Variants in ZNF284 observed in about 807,000 individuals in gnomAD.
ZNF284 encodes the protein zinc finger protein 284.
In ZNF284, 12 loss-of-function variants were observed where a neutral mutation model predicts 12.9. The ratio of observed to expected loss-of-function variants is 0.93; its 90% CI spans 0.60 to 1.51. The LOEUF is 1.51. ZNF284 is among the 40% of genes most tolerant of loss of function. The probability of loss-of-function intolerance (pLI) is 0.00; values close to 1 mark genes in which losing one functional copy is unlikely to be tolerated. For missense variants in ZNF284, 667 were observed against 707.3 expected, an observed-to-expected ratio of 0.94 and a Z score of 0.65; for synonymous variants, 225 against 236.5, an observed-to-expected ratio of 0.95 and a Z score of 0.45.
In ZNF284 at chr19:44,087,214, G is replaced by A. The variant is rs540197159; in HGVS notation, c.1736G>A (p.Arg579His). 1.2e-5 allele frequency: 19 copies of A among 1,596,156 alleles called. No individual in the cohort carries two copies. The highest frequency in any genetic ancestry group is 8.0e-5 in the South Asian group (7 of 87,444). The change falls in exon 5 of 5, where the codon CGC becomes CAC. Residue 579 changes from arginine (R) to histidine (H), a missense_variant. Physicochemically the swap from Arg to His is conservative, Grantham distance 29 (BLOSUM62 0). Transcript: ENST00000421176. ...GACTGTGGGAAGCGCTACGAGAGGC[G>A]CTTGAATCTAGATATGATTTTATCA... is the stretch of plus-strand genomic sequence containing the variant. ...CEDCGKRYER[R>H]LNLDMILSLF... is the part of the protein sequence containing the mutation.
At chr19:44,073,510 G>T (rs192037769) in intron 1 of ZNF284, among the ~76,000 whole-genome samples, 11 of 151,880 alleles carry the variant, frequency 7.2e-5, no homozygotes, top group African/African-American at 2.7e-4. Context: ...CATGAATCCA[G>T]CATGTAAAGA....
chr19:44,087,181 A>G lies in ZNF284; in HGVS notation c.1703A>G (p.Lys568Arg), dbSNP rs972794367. 13 of 1,613,926 alleles carry G rather than the reference A, an allele frequency of 8.1e-6. No homozygotes were observed. Among genetic ancestry groups the G allele is most frequent in the Non-Finnish European group, 1.0e-5 (12 of 1,179,828 alleles). The stretch of plus-strand genomic sequence containing the variant: ...GACCACAGTGGAGAAAAAACATCCA[A>G]ATGTGAGGACTGTGGGAAGCGCTAC... Reference protein sequence around the residue: ...QSDHSGEKTSKCEDCGKRYER... With the variant: ...QSDHSGEKTSRCEDCGKRYER... Residue 568 changes from lysine to arginine, a missense_variant, in exon 5 of 5, where the codon AAA (lysine) becomes AGA (arginine). Lys to Arg is a conservative substitution (Grantham distance 26). Coordinates refer to ENST00000421176, the MANE Select transcript of ZNF284 (RefSeq NM_001037813.4).
In ZNF284 at chr19:44,087,836, C is replaced by A. The variant is rs1330088644; in HGVS notation, c.*576C>A. 7.5e-6 allele frequency: 1 copy of A among 134,090 alleles called. No individual in the cohort carries two copies. Among genetic ancestry groups the A allele is most frequent in the East Asian group, 2.1e-4 (1 of 4,678 alleles). The allele number at this position is 134,090 out of a possible 1,614,324, so 8.3% of individuals were successfully genotyped here. On this transcript the variant is annotated 3_prime_UTR_variant, in exon 5 of 5. Transcript: ENST00000421176. ...AGTATGGAGTGCAATGGCTTGATCT[C>A]GGCTCACTGCAACCTCTGCCTCCTG... is the stretch of plus-strand genomic sequence containing the variant.
chr19:44,078,626 T>C (rs1301578035), intron 2 of ZNF284, among the ~76,000 whole-genome samples: 4 of 152,106 alleles, frequency 2.6e-5, no homozygotes, highest in African/African-American at 9.7e-5. Flanking sequence ...GATGCCTGGC[T>C]AGTTTTAAAA....
chr19:44,079,748 G>A (rs746783572), intron 2 of ZNF284, among the ~76,000 whole-genome samples: 28 of 150,632 alleles, frequency 1.9e-4, no homozygotes, highest in Non-Finnish European at 3.3e-4. Context: ...AGCAAAAAAA[G>A]AGAAACCCCA....
At chr19:44,073,927 G>T (rs549031888) in intron 1 of ZNF284, among the ~76,000 whole-genome samples, 1 of 152,108 alleles carries the variant, frequency 6.6e-6, no homozygotes, top group African/African-American at 2.4e-5. Context: ...TTAAAAAAAT[G>T]TGTTTTCCCT....
chr19:44,076,551 T>C, intron 2 of ZNF284, 147 bp downstream of exon 2: 1 of 786,486 alleles, frequency 1.3e-6, no homozygotes, highest in Non-Finnish European at 2.0e-6. Flanking sequence ...GTTTCTTTTG[T>C]GTTGAATTTG....
intron 1 of ZNF284, among the ~76,000 whole-genome samples, chr19:44,075,584 A>G (rs1967014467): frequency 6.6e-6 from 1 of 152,208 alleles, no homozygotes; most frequent in Admixed American, 6.5e-5. Flanking sequence ...TTTGAAAATA[A>G]TAAAGTTCCT....
chr19:44,077,648 T>G (rs1967053736), intron 2 of ZNF284, among the ~76,000 whole-genome samples: 1 of 151,144 alleles, frequency 6.6e-6, no homozygotes, highest in South Asian at 2.1e-4. Context: ...TGTTTGTTCC[T>G]CAGAACAGCT....
intron 2 of ZNF284, among the ~76,000 whole-genome samples, chr19:44,080,093 G>C (rs144822831): frequency 6.6e-6 from 1 of 152,276 alleles, no homozygotes; most frequent in Non-Finnish European, 1.5e-5. Context: ...CTTATCCAAG[G>C]TCACGTGGCT....
rs11331410 is a variant in ZNF284, at chr19:44,073,545, A to ATTTTT, written c.-69+1266_-69+1270dup. ...ATAGTAACTGTTAAACTTCGAGTGCATTTTTTTTTTTTTTTTGAGACAGAG... is the reference window on the plus strand; with the variant it reads ...ATAGTAACTGTTAAACTTCGAGTGCATTTTTTTTTTTTTTTTTTTTTGAGACAGAG... On this transcript the variant is annotated intron_variant, in intron 1 of 4. Transcript: ENST00000421176. Among the ~76,000 whole-genome samples the ATTTTT allele has an allele frequency of 6.9e-3, 964 of 140,362 alleles. 4 individuals carry two copies. Among genetic ancestry groups the ATTTTT allele is most frequent in the South Asian group, 0.054 (234 of 4,362 alleles). 92.1% of individuals were successfully genotyped at this position (140,362 alleles called of 152,430 possible). A position where few individuals can be genotyped will look rare whatever the true frequency, so the allele number is the denominator to read the frequency against.
intron 2 of ZNF284, among the ~76,000 whole-genome samples, chr19:44,076,889 G>A (rs1196711463): frequency 6.6e-6 from 1 of 150,584 alleles, no homozygotes; most frequent in African/African-American, 2.5e-5. Context: ...GCGCAATCTC[G>A]GCTCACTGCA....
In ZNF284 at chr19:44,082,001, CTT is replaced by C; in HGVS notation, c.143-10_143-9del. On this transcript the variant is annotated splice_polypyrimidine_tract_variant and intron_variant, in intron 3 of 4. Transcript: ENST00000421176. The stretch of plus-strand genomic sequence containing the variant: ...AGATGTATTGGGATTAAGCATGTGA[CTT>C]TGTTCACAGGGCATCAACTTTCCCA... The C allele has an allele frequency of 6.2e-7, 1 of 1,609,472 alleles. No individual in the cohort carries two copies.
intron 4 of ZNF284, among the ~76,000 whole-genome samples, chr19:44,083,475 A>ATATATATATATATATATATATATAAT (rs1491582978): frequency 8.5e-5 from 5 of 59,018 alleles, no homozygotes; most frequent in South Asian, 7.0e-4. Context: ...ATATATATAT[A>ATATATATATATATATATATATATAAT]GAGAGAGAGA....
chr19:44,080,541 G>A (rs1967105133), intron 2 of ZNF284, among the ~76,000 whole-genome samples: 1 of 152,110 alleles, frequency 6.6e-6, no homozygotes, highest in Non-Finnish European at 1.5e-5. Flanking sequence ...AGCTGAAATC[G>A]CACCACTGCA....
At position 44,088,275 on chromosome 19, in the gene ZNF284, T is replaced by C. The variant is rs1286181654; in HGVS notation, c.*1015T>C. 6 of 152,360 alleles carry C rather than the reference T, an allele frequency of 3.9e-5. No homozygotes were observed. The East Asian group carries it at 5.8e-4, about 15-fold the overall frequency. The allele number at this position is 152,360 out of a possible 1,614,324, so 9.4% of individuals were successfully genotyped here. On this transcript the variant is annotated 3_prime_UTR_variant, in exon 5 of 5. Transcript: ENST00000421176. ...TCCACATATGTGTGAAAACATGTGG[T>C]ATTTATCTTTCTGGGCCTGAATTTA...
chr19:44,073,032 T>C (rs1388673946), intron 1 of ZNF284, among the ~76,000 whole-genome samples: 2 of 152,196 alleles, frequency 1.3e-5, no homozygotes, highest in African/African-American at 4.8e-5. Flanking sequence ...TGGGTGTTGA[T>C]AATAATTAAG....
chr19:44,085,083 G>T (rs114579749), intron 4 of ZNF284: 152 of 152,346 alleles, frequency 1.0e-3, no homozygotes, highest in African/African-American at 3.5e-3. Context: ...CGGCCAGAAG[G>T]GCTACCTCCC....
Position 44,086,889 on chromosome 19 carries a change from T to A in ZNF284, c.1411T>A (p.Leu471Met). ...GKSFRWASGI[L>M]RHKRLHTGEK... ...GAGCTTCAGGTGGGCCTCAGGTATT[T>A]TGAGACATAAGAGACTCCATACTGG... Residue 471 changes from leucine (L) to methionine (M), a missense_variant, in exon 5 of 5, where the codon TTG becomes ATG. Physicochemically the swap from Leu to Met is conservative, Grantham distance 15. Transcript: ENST00000421176. The A allele has an allele frequency of 6.2e-7, 1 of 1,613,912 alleles. No homozygotes were observed. The highest frequency in any genetic ancestry group is 8.5e-7 in the Non-Finnish European group (1 of 1,179,948).
Sources: allele counts gnomAD v4.1 joint callset (sites outside exome capture counted in the v4.1 genomes callset), GRCh38; gene constraint gnomAD v4.1.1; transcripts MANE v1.5; gene names NCBI Gene and HGNC (gene_info 2026-07-23, HGNC 2026-07-21).